The following DLG2 variants were observed in gnomAD, a reference collection of about 807,000 sequenced individuals.
DLG2 encodes discs large MAGUK scaffold protein 2.
In DLG2, 45 loss-of-function variants were observed where a neutral mutation model predicts 132.5. That is an observed-to-expected ratio of 0.34 (90% CI 0.27 to 0.44). DLG2 has a LOEUF of 0.44. Ranked by LOEUF, DLG2 falls within the 20% of genes least tolerant of loss-of-function variation. The pLI is 1.00. For missense variants in DLG2, 1,045 were observed against 1,196.9 expected (o/e 0.87, Z 1.87); for synonymous variants, 424 against 419.6 (o/e 1.01, Z -0.13).
intron 6 of DLG2, among the ~76,000 whole-genome samples, chr11:84,912,225 G>A (rs1441526366): frequency 2.0e-5 from 3 of 152,090 alleles, no homozygotes; most frequent in African/African-American, 7.2e-5. Flanking sequence ...TCTCGATCTC[G>A]GCTCACTGCA....
intron 18 of DLG2, among the ~76,000 whole-genome samples, chr11:83,712,457 C>G (rs1299272403): frequency 1.3e-5 from 2 of 151,852 alleles, no homozygotes; most frequent in African/African-American, 4.8e-5. Context: ...GGTGAAATCC[C>G]CTCTCTATTA....
chr11:84,839,927 T>C (rs559372303), intron 6 of DLG2, among the ~76,000 whole-genome samples: 175 of 152,222 alleles, frequency 1.1e-3, no homozygotes, highest in African/African-American at 4.1e-3. Context: ...GACATAGGCA[T>C]GGGCAAGGGC....
At chr11:85,354,578 C>T (rs1451930566) in intron 3 of DLG2, among the ~76,000 whole-genome samples, 1 of 151,824 alleles carries the variant, frequency 6.6e-6, no homozygotes, top group African/African-American at 2.4e-5. Flanking sequence ...GCAAATGTGC[C>T]ACATCTATCA....
At chr11:84,101,637 A>C (rs2092535151) in intron 9 of DLG2, among the ~76,000 whole-genome samples, 1 of 152,090 alleles carries the variant, frequency 6.6e-6, no homozygotes, top group African/African-American at 2.4e-5. Context: ...TGTTTAGGGG[A>C]CTTAATGAGG....
chr11:83,724,479 G>GAGAGAC (rs2089554249), intron 18 of DLG2, among the ~76,000 whole-genome samples: 1 of 83,244 alleles, frequency 1.2e-5, no homozygotes, highest in African/African-American at 4.7e-5. Flanking sequence ...GTGTGTGTGA[G>GAGAGAC]AGAGAGAGAG....
chr11:85,112,342 T>C (rs1035178418), intron 5 of DLG2, among the ~76,000 whole-genome samples: 4 of 152,232 alleles, frequency 2.6e-5, no homozygotes, highest in Non-Finnish European at 5.9e-5. Flanking sequence ...AAGAAATTTA[T>C]CTCTAGTTAA....
chr11:84,324,142 T>G (rs997524990), intron 7 of DLG2, among the ~76,000 whole-genome samples: 13 of 152,086 alleles, frequency 8.5e-5, no homozygotes, highest in African/African-American at 2.9e-4. Flanking sequence ...TAAAGACCAG[T>G]GTTGTATAGG....
Position 83,630,935 on chromosome 11 carries a change from T to A in DLG2, c.1940+2276A>T, listed in dbSNP as rs532770612. ...TGTTATTCTCAGATTTGAGACATGA[T>A]CATCCTCTTATATTTATATAATCAG... On this transcript the variant is annotated intron_variant, in intron 19 of 27. Transcript: ENST00000376104. Among the ~76,000 whole-genome samples the A allele has an allele frequency of 3.3e-5, 5 of 152,266 alleles. No individual in the cohort carries two copies. The South Asian group carries it at 1.0e-3, about 31-fold the overall frequency.
At chr11:83,833,388 A>T (rs575167298) in intron 17 of DLG2, among the ~76,000 whole-genome samples, 1 of 152,324 alleles carries the variant, frequency 6.6e-6, no homozygotes, top group Admixed American at 6.5e-5. Flanking sequence ...CAGTGAGCTG[A>T]GATCCTGCCA....
intron 17 of DLG2, among the ~76,000 whole-genome samples, chr11:83,831,356 T>C (rs561292935): frequency 4.6e-5 from 7 of 152,294 alleles, no homozygotes; most frequent in Admixed American, 2.6e-4. Context: ...GTATCTCCCA[T>C]ACTCAACATC....
At chr11:85,355,271 A>C (rs193260801) in intron 3 of DLG2, among the ~76,000 whole-genome samples, 3 of 152,274 alleles carry the variant, frequency 2.0e-5, no homozygotes, top group African/African-American at 7.2e-5. Context: ...CTTTTATTGA[A>C]ATTAAATCAA....
At chr11:85,398,961 A>G (rs910657430) in intron 3 of DLG2, among the ~76,000 whole-genome samples, 2 of 152,178 alleles carry the variant, frequency 1.3e-5, no homozygotes, top group Non-Finnish European at 2.9e-5. Flanking sequence ...AATAAAGGGT[A>G]TTCAATTAGG....
chr11:85,599,850 GACAAA>G (rs2080029223), intron 2 of DLG2, among the ~76,000 whole-genome samples: 1 of 152,086 alleles, frequency 6.6e-6, no homozygotes, highest in Non-Finnish European at 1.5e-5. Flanking sequence ...TCCTTCACAA[GACAAA>G]ACATCCTTGA....
intron 6 of DLG2, among the ~76,000 whole-genome samples, chr11:84,989,576 A>C (rs1231392197): frequency 6.6e-6 from 1 of 152,248 alleles, no homozygotes; most frequent in Non-Finnish European, 1.5e-5. Context: ...AATTACTATC[A>C]AAATCTCAGC....
intron 7 of DLG2, among the ~76,000 whole-genome samples, chr11:84,519,752 G>A (rs1289378634): frequency 2.0e-5 from 3 of 151,978 alleles, no homozygotes; most frequent in African/African-American, 7.3e-5. Context: ...AGTAACTGTG[G>A]GACAGAAAAA....
chr11:83,668,068 TAAA>T (rs3040176), intron 18 of DLG2, among the ~76,000 whole-genome samples: 103 of 79,692 alleles, frequency 1.3e-3, no homozygotes, highest in Admixed American at 4.4e-3. Flanking sequence ...GGAAATGAAG[TAAA>T]AAAAAAAAAA....
At chr11:83,486,424 G>A (rs935896182) in intron 21 of DLG2, among the ~76,000 whole-genome samples, 9 of 152,160 alleles carry the variant, frequency 5.9e-5, no homozygotes, top group African/African-American at 2.2e-4. Flanking sequence ...GGGTGAAAAT[G>A]TAGACAGAGA....
At chr11:84,066,124 T>C (rs1436416135) in intron 10 of DLG2, among the ~76,000 whole-genome samples, 1 of 152,088 alleles carries the variant, frequency 6.6e-6, no homozygotes, top group Non-Finnish European at 1.5e-5. Context: ...GGTATTATGC[T>C]TATTACCAGG....
intron 4 of DLG2, among the ~76,000 whole-genome samples, chr11:85,252,819 T>A (rs1279363592): frequency 6.6e-6 from 1 of 152,104 alleles, no homozygotes; most frequent in Admixed American, 6.5e-5. Context: ...GCAAAACATA[T>A]GTATTTTAAA....
Sources: gnomAD v4.1 joint callset for allele counts (sites outside exome capture counted in the v4.1 genomes callset) on GRCh38, gnomAD v4.1.1 for gene constraint, MANE v1.5 for transcripts, NCBI Gene and HGNC (gene_info 2026-07-23, HGNC 2026-07-21) for gene names.